The following FYN variants were observed in gnomAD, a reference collection of about 807,000 sequenced individuals.
FYN encodes tyrosine-protein kinase Fyn.
FYN carries 10 observed loss-of-function variants against 70.2 expected under a neutral mutation model. The observed-to-expected ratio is 0.14, with a 90% CI of 0.09 to 0.24. The LOEUF (loss-of-function observed/expected upper bound fraction) is 0.24, where lower values mean the gene tolerates loss of function less well. FYN is among the 10% of genes least tolerant of loss of function. FYN has a pLI of 1.00. For missense variants in FYN, 319 were observed against 673.1 expected (o/e 0.47, Z 5.82); for synonymous variants, 236 against 248.6 (o/e 0.95, Z 0.48).
At chr6:111,837,285 C>T (rs2114440622) in intron 2 of FYN, among the ~76,000 whole-genome samples, 1 of 152,210 alleles carries the variant, frequency 6.6e-6, no homozygotes, top group Non-Finnish European at 1.5e-5. Flanking sequence ...TGTTTTTTCC[C>T]TCATCTGGTA....
At chr6:111,837,614 T>C (rs868314519) in intron 2 of FYN, among the ~76,000 whole-genome samples, 14 of 152,208 alleles carry the variant, frequency 9.2e-5, no homozygotes, top group Admixed American at 5.2e-4. Context: ...TAAATGATGA[T>C]GATTTTCTCC....
At chr6:111,696,232 C>T (rs28763977) in intron 10 of FYN, 45 bp downstream of exon 10, 179,230 of 1,490,274 alleles carry the variant, frequency 0.12, 12,197 homozygotes, top group Non-Finnish European at 0.14. Flanking sequence ...CCTAAACAAC[C>T]CCTTAAGGCA....
intron 2 of FYN, among the ~76,000 whole-genome samples, chr6:111,800,927 T>C (rs568478186): frequency 1.4e-4 from 21 of 152,334 alleles, no homozygotes; most frequent in African/African-American, 5.1e-4. Context: ...AAGAAAAGAA[T>C]AGAGCAAAAT....
chr6:111,717,693 C>T (rs531409564), intron 4 of FYN, among the ~76,000 whole-genome samples: 1 of 152,180 alleles, frequency 6.6e-6, no homozygotes, highest in Non-Finnish European at 1.5e-5. Context: ...CAAACTCCTG[C>T]GCTCAAGTGA....
chr6:111,745,351 A>G (rs1802159726), intron 3 of FYN, among the ~76,000 whole-genome samples: 1 of 152,200 alleles, frequency 6.6e-6, no homozygotes, highest in Non-Finnish European at 1.5e-5. Flanking sequence ...AAGCTTGGGC[A>G]TGTGACTCAT....
intron 3 of FYN, among the ~76,000 whole-genome samples, chr6:111,722,670 G>A (rs921313554): frequency 6.6e-6 from 1 of 152,260 alleles, no homozygotes; most frequent in Non-Finnish European, 1.5e-5. Context: ...AGACATATTG[G>A]GCAATGTCTG....
chr6:111,667,163 C>G (rs538997744), intron 13 of FYN, among the ~76,000 whole-genome samples: 74 of 152,216 alleles, frequency 4.9e-4, no homozygotes, highest in African/African-American at 1.7e-3. Context: ...TTTCCCTTTT[C>G]TTTTAAACTT....
At chr6:111,666,862 C>T (rs1474880490) in intron 13 of FYN, among the ~76,000 whole-genome samples, 1 of 152,004 alleles carries the variant, frequency 6.6e-6, no homozygotes, top group Non-Finnish European at 1.5e-5. Context: ...CCTTCGAGTC[C>T]CTCTTTCCCA....
intron 13 of FYN, among the ~76,000 whole-genome samples, chr6:111,666,625 G>A (rs2128401080): frequency 6.6e-6 from 1 of 152,308 alleles, no homozygotes; most frequent in South Asian, 2.1e-4. Flanking sequence ...TTGAGCTCAG[G>A]AGTTCGAGAC....
At chr6:111,777,862 C>T (rs1325592559) in intron 3 of FYN, among the ~76,000 whole-genome samples, 1 of 152,192 alleles carries the variant, frequency 6.6e-6, no homozygotes, top group East Asian at 1.9e-4. Flanking sequence ...CTGAGGGTGC[C>T]AGGACCTGGC....
intron 2 of FYN, among the ~76,000 whole-genome samples, chr6:111,838,132 A>T (rs1773246560): frequency 6.6e-6 from 1 of 152,182 alleles, no homozygotes; most frequent in Admixed American, 6.5e-5. Flanking sequence ...CCCTAGTAAG[A>T]TTAGTACTCC....
At chr6:111,848,550 TG>T (rs959627609) in intron 1 of FYN, among the ~76,000 whole-genome samples, 3 of 152,152 alleles carry the variant, frequency 2.0e-5, no homozygotes, top group African/African-American at 7.2e-5. Flanking sequence ...ACGAAACAGA[TG>T]GAGTTAACTA....
intron 9 of FYN, among the ~76,000 whole-genome samples, chr6:111,698,822 C>T (rs143958529): frequency 8.5e-5 from 13 of 152,282 alleles, no homozygotes; most frequent in East Asian, 1.9e-4. Flanking sequence ...TGGTGGCTCA[C>T]GCCTGTAATC....
intron 12 of FYN, among the ~76,000 whole-genome samples, chr6:111,683,466 A>G (rs1283574030): frequency 6.6e-6 from 1 of 152,166 alleles, no homozygotes; most frequent in East Asian, 1.9e-4. Context: ...CCCTCTGGCT[A>G]AAAAACTAGG....
At chr6:111,699,628 G>A (rs770159855) in intron 9 of FYN, 7 of 1,613,898 alleles carry the variant, frequency 4.3e-6, no homozygotes, top group Non-Finnish European at 5.9e-6. Flanking sequence ...GGTACAACTC[G>A]ATGCAATCAC....
intron 4 of FYN, among the ~76,000 whole-genome samples, chr6:111,718,362 T>C (rs771565215): frequency 6.6e-6 from 1 of 152,220 alleles, no homozygotes; most frequent in Non-Finnish European, 1.5e-5. Context: ...TTGGGAGTAC[T>C]GTGTTTTAAC....
At chr6:111,862,900 C>T (rs1005292781) in intron 1 of FYN, among the ~76,000 whole-genome samples, 26 of 152,062 alleles carry the variant, frequency 1.7e-4, no homozygotes, top group Admixed American at 7.2e-4. Flanking sequence ...CGGGGGATTC[C>T]GGGAAAGGAA....
At chr6:111,720,119 G>C (rs1800861393) in intron 3 of FYN, 57 bp from the exon 4 acceptor site, 4 of 1,527,360 alleles carry the variant, frequency 2.6e-6, no homozygotes, top group Middle Eastern at 3.5e-4. Flanking sequence ...TTGCTGGGTT[G>C]CTCTACAGTA....
chr6:111,825,187 C>T (rs1583473559), intron 2 of FYN, among the ~76,000 whole-genome samples: 2 of 152,204 alleles, frequency 1.3e-5, no homozygotes, highest in East Asian at 3.8e-4. Context: ...GACAAACATT[C>T]CAGTGCACAA....
Sources: allele counts gnomAD v4.1 joint callset (sites outside exome capture counted in the v4.1 genomes callset), GRCh38; gene constraint gnomAD v4.1.1; transcripts MANE v1.5; gene names NCBI Gene and HGNC (gene_info 2026-07-23, HGNC 2026-07-21).